Variants in PPFIA1 observed in about 807,000 individuals in gnomAD.
The protein encoded by PPFIA1 is PPFI scaffold protein A1, also known as liprin-alpha-1.
Under a neutral mutation model 149.9 loss-of-function variants are expected in PPFIA1, and 25 were observed. The ratio of observed to expected loss-of-function variants is 0.17; its 90% CI spans 0.12 to 0.23. The LOEUF (loss-of-function observed/expected upper bound fraction) is 0.23. PPFIA1 is among the 10% of genes least tolerant of loss of function. The pLI, the probability that PPFIA1 is intolerant of heterozygous loss-of-function variation, is 1.00. For missense variants in PPFIA1, 1,362 were observed against 1,506.5 expected (o/e 0.90, Z 1.59); for synonymous variants, 549 against 552.8 (o/e 0.99, Z 0.10).
chr11:70,301,278 G>A (rs1360580786), intron 2 of PPFIA1, among the ~76,000 whole-genome samples: 1 of 152,212 alleles, frequency 6.6e-6, no homozygotes, highest in African/African-American at 2.4e-5. Context: ...TGTGAGGCAT[G>A]TCTCTGCAAA....
intron 2 of PPFIA1, among the ~76,000 whole-genome samples, chr11:70,296,207 C>T (rs1012466538): frequency 2.0e-5 from 3 of 148,972 alleles, no homozygotes; most frequent in African/African-American, 7.5e-5. Flanking sequence ...ACTCGGCAGC[C>T]AGGCAGAGGG....
intron 16 of PPFIA1, among the ~76,000 whole-genome samples, chr11:70,351,480 T>TATTTCAG (rs1351551370): frequency 6.6e-6 from 1 of 152,172 alleles, no homozygotes; most frequent in African/African-American, 2.4e-5. Flanking sequence ...GGGCCAGAGG[T>TATTTCAG]ATTTCAGATT....
intron 21 of PPFIA1, chr11:70,362,994 TTTATA>T (rs1379582764): frequency 1.3e-5 from 2 of 152,454 alleles, no homozygotes; most frequent in African/African-American, 4.8e-5. Flanking sequence ...AAGGACACAT[TTTATA>T]ATTAAATGTT....
chr11:70,292,596 T>G (rs2051612092), intron 2 of PPFIA1, among the ~76,000 whole-genome samples: 1 of 152,216 alleles, frequency 6.6e-6, no homozygotes, highest in South Asian at 2.1e-4. Context: ...GTCCAGGGGC[T>G]GGGTATATGG....
intron 2 of PPFIA1, among the ~76,000 whole-genome samples, chr11:70,285,536 T>C (rs1049286258): frequency 3.4e-4 from 51 of 151,612 alleles, no homozygotes; most frequent in Non-Finnish European, 5.9e-5. Flanking sequence ...AAAAATTAGC[T>C]GGGCGTGGTG....
intron 8 of PPFIA1, among the ~76,000 whole-genome samples, chr11:70,331,122 C>T (rs1274316797): frequency 6.6e-6 from 1 of 151,852 alleles, no homozygotes; most frequent in East Asian, 1.9e-4. Flanking sequence ...ATCCCAGCTG[C>T]TACTCAGGAG....
intron 8 of PPFIA1, among the ~76,000 whole-genome samples, chr11:70,331,354 A>C (rs924837864): frequency 2.0e-5 from 3 of 152,164 alleles, no homozygotes; most frequent in African/African-American, 7.2e-5. Flanking sequence ...TGACAGAGCA[A>C]GACTCTGTCT....
chr11:70,353,812 AG>A (rs1279106817), intron 16 of PPFIA1, among the ~76,000 whole-genome samples: 24 of 152,232 alleles, frequency 1.6e-4, no homozygotes, highest in Non-Finnish European at 2.8e-4. Flanking sequence ...CAGACAAAAA[AG>A]GTATTTGACA....
intron 7 of PPFIA1, among the ~76,000 whole-genome samples, chr11:70,328,912 G>C (rs887363130): frequency 6.6e-6 from 1 of 152,204 alleles, no homozygotes; most frequent in Non-Finnish European, 1.5e-5. Context: ...CTTGAAAATA[G>C]TGAATTCTGG....
At chr11:70,313,362 A>G (rs2053408425) in intron 2 of PPFIA1, among the ~76,000 whole-genome samples, 2 of 152,208 alleles carry the variant, frequency 1.3e-5, no homozygotes, top group Non-Finnish European at 2.9e-5. Flanking sequence ...CTTGACCTTA[A>G]GGGCAATGGG....
Position 70,270,824 on chromosome 11 carries a change from C to G in PPFIA1, c.-91C>G, listed in dbSNP as rs1402982182. The G allele has an allele frequency of 6.7e-6, 1 of 150,272 alleles. No individual in the cohort carries two copies. Among genetic ancestry groups the G allele is most frequent in the Non-Finnish European group, 1.5e-5 (1 of 67,290 alleles). 9.3% of individuals were successfully genotyped at this position (150,272 alleles called of 1,614,324 possible). A position where few individuals can be genotyped will look rare whatever the true frequency, so the allele number is the denominator to read the frequency against. ...CGGGCAGGCGGACGCCGGCCGCGGG[C>G]TGCTTTCGTCGGCTCCCAAGCTCTC... is the stretch of plus-strand genomic sequence containing the variant. On this transcript the variant is annotated 5_prime_UTR_variant, in exon 1 of 28. Coordinates refer to ENST00000253925, the MANE Select transcript of PPFIA1 (RefSeq NM_003626.5).
At chr11:70,332,205 AGCACGGATTTGGTTT>A in intron 9 of PPFIA1, 111 bp downstream of exon 9, 1 of 1,328,988 alleles carries the variant, frequency 7.5e-7, no homozygotes, top group Non-Finnish European at 9.9e-7. Flanking sequence ...TCCGTGGAAG[AGCACGGATTTGGTTT>A]GAGTGCTCTT....
intron 2 of PPFIA1, among the ~76,000 whole-genome samples, chr11:70,299,103 G>C (rs1448730964): frequency 6.6e-6 from 1 of 152,066 alleles, no homozygotes; most frequent in Non-Finnish European, 1.5e-5. Flanking sequence ...GCCAAGCGTG[G>C]TGGTGCACAC....
At chr11:70,352,912 G>A (rs1024740476) in intron 16 of PPFIA1, among the ~76,000 whole-genome samples, 2 of 152,190 alleles carry the variant, frequency 1.3e-5, no homozygotes, top group South Asian at 2.1e-4. Context: ...AGCTGGCTGC[G>A]TGTCAGCTTT....
At chr11:70,325,457 A>C in intron 4 of PPFIA1, 43 bp from the exon 5 acceptor site, 1 of 1,282,284 alleles carries the variant, frequency 7.8e-7, no homozygotes, top group Non-Finnish European at 1.1e-6. Flanking sequence ...TAAAATAAAC[A>C]GTATACACAC....
chr11:70,328,871 T>C (rs1008234661), intron 7 of PPFIA1, among the ~76,000 whole-genome samples: 2 of 152,204 alleles, frequency 1.3e-5, no homozygotes, highest in Non-Finnish European at 2.9e-5. Context: ...TAGACTTTGC[T>C]AACTTTAGTC....
rs140765997 is a variant in PPFIA1, at chr11:70,378,651, C to T, written c.3550+456C>T. The T allele has an allele frequency of 4.1e-3, 749 of 183,552 alleles. 10 individuals carry two copies. Among genetic ancestry groups the T allele is most frequent in the African/African-American group, 0.017 (706 of 42,030 alleles). 11.4% of individuals were successfully genotyped at this position (183,552 alleles called of 1,614,324 possible). A position where few individuals can be genotyped will look rare whatever the true frequency, so the allele number is the denominator to read the frequency against. Reference sequence around the variant, plus strand: ...CCAGCTTGTGTGAGCTCTGCCTATGCTTTCTGCCCTCCCTGCTGCTGCTGT... The same window carrying T: ...CCAGCTTGTGTGAGCTCTGCCTATGTTTTCTGCCCTCCCTGCTGCTGCTGT... On this transcript the variant is annotated intron_variant, in intron 26 of 27. Transcript: ENST00000253925.
intron 2 of PPFIA1, chr11:70,321,163 A>T (rs1437560470): frequency 6.6e-6 from 1 of 152,396 alleles, no homozygotes; most frequent in South Asian, 2.1e-4. Context: ...AAGAGACCCC[A>T]TAGAGATCCC....
intron 26 of PPFIA1, among the ~76,000 whole-genome samples, chr11:70,378,912 T>C (rs971037228): frequency 2.0e-5 from 3 of 152,198 alleles, no homozygotes; most frequent in African/African-American, 7.2e-5. Flanking sequence ...ACTCATCTAA[T>C]GAAAGGCAGT....
Sources: allele counts gnomAD v4.1 joint callset (sites outside exome capture counted in the v4.1 genomes callset), GRCh38; gene constraint gnomAD v4.1.1; transcripts MANE v1.5; gene names NCBI Gene and HGNC (gene_info 2026-07-23, HGNC 2026-07-21).